Variants in ETV6 observed in about 807,000 individuals in gnomAD.
The protein encoded by ETV6 is ETS variant transcription factor 6, also known as transcription factor ETV6.
A neutral mutation model predicts 51.1 loss-of-function variants in ETV6; 16 were observed. The observed-to-expected ratio is 0.31, with a 90% CI of 0.21 to 0.48. The LOEUF is 0.48. ETV6 is among the 20% of genes least tolerant of loss of function. The pLI is 0.99. For missense variants in ETV6, 458 were observed against 594.8 expected (o/e 0.77, Z 2.39); for synonymous variants, 240 against 224.1 (o/e 1.07, Z -0.64).
chr12:11,876,737 TTCTC>T (rs887298323), intron 5 of ETV6, among the ~76,000 whole-genome samples: 6 of 152,210 alleles, frequency 3.9e-5, no homozygotes, highest in African/African-American at 1.4e-4. Flanking sequence ...TTTCTTGTGT[TTCTC>T]TCACAACTTT....
intron 3 of ETV6, among the ~76,000 whole-genome samples, chr12:11,843,014 A>G (rs916113133): frequency 6.6e-6 from 1 of 152,250 alleles, no homozygotes; most frequent in Non-Finnish European, 1.5e-5. Flanking sequence ...AGATGTGAGC[A>G]TCATACATCG....
At chr12:11,726,386 C>G (rs1425770023) in intron 1 of ETV6, among the ~76,000 whole-genome samples, 1 of 152,092 alleles carries the variant, frequency 6.6e-6, no homozygotes, top group African/African-American at 2.4e-5. Context: ...ATTTTGTGTA[C>G]CCACTATGCA....
intron 2 of ETV6, among the ~76,000 whole-genome samples, chr12:11,757,830 C>G (rs1945029334): frequency 6.6e-6 from 1 of 152,228 alleles, no homozygotes. Flanking sequence ...CCTCAGCAGA[C>G]TGGCTTCTCC....
chr12:11,840,946 C>T (rs1469218346), intron 3 of ETV6: 1 of 162,846 alleles, frequency 6.1e-6, no homozygotes, highest in African/African-American at 2.4e-5. Context: ...CTCAAAGAGG[C>T]AACGTTATAT....
intron 1 of ETV6, among the ~76,000 whole-genome samples, chr12:11,679,400 T>C (rs559883925): frequency 1.3e-5 from 2 of 152,356 alleles, no homozygotes; most frequent in South Asian, 4.1e-4. Context: ...TTCTTAGTGC[T>C]CGATAAATGA....
At chr12:11,669,373 TCCTCCCTC>T (rs1555112288) in intron 1 of ETV6, among the ~76,000 whole-genome samples, 3 of 129,442 alleles carry the variant, frequency 2.3e-5, no homozygotes, top group East Asian at 2.3e-4. Flanking sequence ...CTTCCTCCCT[TCCTCCCTC>T]CCTCCCTCCC....
chr12:11,820,664 A>G (rs1411510027), intron 2 of ETV6, among the ~76,000 whole-genome samples: 4 of 152,130 alleles, frequency 2.6e-5, no homozygotes, highest in Non-Finnish European at 4.4e-5. Flanking sequence ...CTGGAGCAGA[A>G]TGAAGGAGGG....
chr12:11,694,720 A>C (rs181406123), intron 1 of ETV6, among the ~76,000 whole-genome samples: 1 of 152,354 alleles, frequency 6.6e-6, no homozygotes, highest in Admixed American at 6.5e-5. Flanking sequence ...GCAAAGTCGT[A>C]ATCATTTATC....
At chr12:11,662,870 C>G (rs74840466) in intron 1 of ETV6, among the ~76,000 whole-genome samples, 83 of 152,318 alleles carry the variant, frequency 5.4e-4, no homozygotes, top group African/African-American at 1.9e-3. Flanking sequence ...AGTGCACTCC[C>G]TTTAATCTTT....
Position 11,892,477 on chromosome 12 carries a change from CT to C in ETV6, c.*1433del. 1 of 231,188 alleles carries C rather than the reference CT, an allele frequency of 4.3e-6. No individual in the cohort carries two copies. 14.3% of individuals were successfully genotyped at this position (231,188 alleles called of 1,614,324 possible). ...TTGTAAAATGAGGGTAGTGCCACTT[CT>C]TAGTATTTTTGAAAGCTGTTTTAGA... On this transcript the variant is annotated 3_prime_UTR_variant, in exon 8 of 8. Coordinates refer to ENST00000396373, the MANE Select transcript of ETV6 (RefSeq NM_001987.5).
intron 7 of ETV6, among the ~76,000 whole-genome samples, chr12:11,888,376 G>A (rs1258305996): frequency 8.8e-6 from 1 of 113,940 alleles, no homozygotes; most frequent in Non-Finnish European, 1.9e-5. Context: ...ACTACAATTT[G>A]CTTTTTCTTT....
intron 1 of ETV6, among the ~76,000 whole-genome samples, chr12:11,666,916 A>G (rs1409664603): frequency 6.6e-6 from 1 of 152,046 alleles, no homozygotes; most frequent in Admixed American, 6.5e-5. Context: ...CTGTCTGTCC[A>G]CTCAGGGCAT....
chr12:11,770,612 C>T (rs1945229247), intron 2 of ETV6, among the ~76,000 whole-genome samples: 1 of 152,184 alleles, frequency 6.6e-6, no homozygotes, highest in Admixed American at 6.5e-5. Flanking sequence ...ACTTATCTTC[C>T]AATAACCTTA....
intron 1 of ETV6, among the ~76,000 whole-genome samples, chr12:11,728,568 C>T (rs932462214): frequency 4.6e-5 from 7 of 152,110 alleles, no homozygotes; most frequent in South Asian, 2.1e-4. Flanking sequence ...GCCCCCAGTC[C>T]GTGGAAAAAT....
intron 1 of ETV6, among the ~76,000 whole-genome samples, chr12:11,727,912 C>T (rs900687655): frequency 5.3e-5 from 8 of 152,112 alleles, no homozygotes; most frequent in Non-Finnish European, 7.4e-5. Context: ...CTCTACCTCC[C>T]GGGCTCAAGC....
intron 1 of ETV6, among the ~76,000 whole-genome samples, chr12:11,739,458 A>C (rs1865768484): frequency 6.6e-6 from 1 of 152,184 alleles, no homozygotes; most frequent in African/African-American, 2.4e-5. Flanking sequence ...TAATTTATTC[A>C]ATTTTAATTA....
In ETV6 at chr12:11,660,849, T is replaced by C. The variant is rs572292315; in HGVS notation, c.33+10689T>C. On this transcript the variant is annotated intron_variant, in intron 1 of 7. Coordinates refer to ENST00000396373, the MANE Select transcript of ETV6 (RefSeq NM_001987.5). ...TGCTAATTATTTTCATGTATTGACC[T>C]GGGATCACAGACCAGGCACCCAAAG... is the stretch of plus-strand genomic sequence containing the variant. 1.7e-4 allele frequency among the ~76,000 whole-genome samples: 26 copies of C among 152,312 alleles called. No individual in the cohort carries two copies. In the East Asian group the frequency reaches 2.9e-3, roughly 17 times the overall value.
intron 3 of ETV6, among the ~76,000 whole-genome samples, chr12:11,844,868 T>C (rs1416294429): frequency 6.6e-6 from 1 of 152,066 alleles, no homozygotes. Flanking sequence ...ATTCTCGCTC[T>C]GTCGCCAGGC....
chr12:11,741,431 G>A (rs1247958947), intron 1 of ETV6, among the ~76,000 whole-genome samples: 3 of 152,170 alleles, frequency 2.0e-5, no homozygotes, highest in Non-Finnish European at 2.9e-5. Flanking sequence ...GCCAAAAGTG[G>A]GGTGGGTTTT....
Sources: allele counts gnomAD v4.1 joint callset (sites outside exome capture counted in the v4.1 genomes callset), GRCh38; gene constraint gnomAD v4.1.1; transcripts MANE v1.5; gene names NCBI Gene and HGNC (gene_info 2026-07-23, HGNC 2026-07-21).